The following LRRC31 variants were observed in gnomAD, a reference collection of about 807,000 sequenced individuals.
LRRC31 encodes leucine-rich repeat-containing protein 31.
A neutral mutation model predicts 46.7 loss-of-function variants in LRRC31; 35 were observed. The observed-to-expected ratio is 0.75, with a 90% CI of 0.57 to 0.99. LRRC31 has a LOEUF of 0.99. LRRC31 is among the 50% of genes least tolerant of loss of function. LRRC31 has a pLI of 0.00. For synonymous variants in LRRC31, 236 were observed against 235.1 expected, an observed-to-expected ratio of 1.00 and a Z score of -0.03; for missense variants, 613 against 626.1, an observed-to-expected ratio of 0.98 and a Z score of 0.22.
chr3:169,862,617 C>T (rs561082650), intron 1 of LRRC31, among the ~76,000 whole-genome samples: 67 of 152,026 alleles, frequency 4.4e-4, no homozygotes, highest in African/African-American at 1.4e-3. Context: ...AAAAATTAGC[C>T]GGGCGTGGTG....
In LRRC31 at chr3:169,861,818, G is replaced by A. The variant is rs1391541508; in HGVS notation, c.176-5C>T. 1 of 1,611,210 alleles carries A rather than the reference G, an allele frequency of 6.2e-7. No homozygotes were observed. The highest frequency in any genetic ancestry group is 2.2e-5 in the East Asian group (1 of 44,854). Reference sequence around the variant, plus strand: ...TTTCTGAACTGAGAGGCTTAGCTGTGTGATAAGCATAAAAAAGAATTTGCT... The same window carrying A: ...TTTCTGAACTGAGAGGCTTAGCTGTATGATAAGCATAAAAAAGAATTTGCT... On this transcript the variant is annotated splice_region_variant and splice_polypyrimidine_tract_variant and intron_variant, in intron 1 of 8. Transcript: ENST00000316428.
In LRRC31 at chr3:169,869,899, G is replaced by T. The variant is rs1781445948; in HGVS notation, c.-92C>A. On this transcript the variant is annotated 5_prime_UTR_variant, in exon 1 of 9. Transcript: ENST00000316428. ...TAAGAAGAAAAGAAGATTCTGTCAA[G>T]CCTGTGTTCAATCAAAATATCCTCC... is the stretch of plus-strand genomic sequence containing the variant. 2 of 1,218,294 alleles carry T rather than the reference G, an allele frequency of 1.6e-6. No individual in the cohort carries two copies. The highest frequency in any genetic ancestry group is 2.2e-6 in the Non-Finnish European group (2 of 896,742). The allele number at this position is 1,218,294 out of a possible 1,614,324, so 75.5% of individuals were successfully genotyped here. A position where few individuals can be genotyped will look rare whatever the true frequency, so the allele number is the denominator to read the frequency against.
At chr3:169,861,400 A>G (rs1181173914) in intron 2 of LRRC31, among the ~76,000 whole-genome samples, 1 of 151,376 alleles carries the variant, frequency 6.6e-6, no homozygotes, top group Non-Finnish European at 1.5e-5. Flanking sequence ...AAGAAAAAAG[A>G]AAAAACCTAC....
intron 6 of LRRC31, among the ~76,000 whole-genome samples, chr3:169,852,455 T>C (rs1428988794): frequency 6.7e-6 from 1 of 150,328 alleles, no homozygotes; most frequent in South Asian, 2.1e-4. Context: ...CTATTTCAAG[T>C]GGTCATTGGG....
chr3:169,866,998 AT>A (rs200123445), intron 1 of LRRC31, among the ~76,000 whole-genome samples: 57 of 125,778 alleles, frequency 4.5e-4, no homozygotes, highest in South Asian at 9.3e-4. Flanking sequence ...CCATGGGTTG[AT>A]TTTTTTTTTT....
intron 8 of LRRC31, among the ~76,000 whole-genome samples, chr3:169,842,070 A>C (rs947717722): frequency 1.5e-4 from 23 of 152,116 alleles, no homozygotes; most frequent in Admixed American, 5.2e-4. Flanking sequence ...AAAATACATA[A>C]ATAAATAAAT....
At chr3:169,844,943 A>C (rs903385349) in intron 8 of LRRC31, among the ~76,000 whole-genome samples, 3 of 151,764 alleles carry the variant, frequency 2.0e-5, no homozygotes, top group East Asian at 1.9e-4. Flanking sequence ...AAAAAAAAAA[A>C]AAAAACAAAA....
intron 3 of LRRC31, among the ~76,000 whole-genome samples, chr3:169,858,138 C>G (rs1005358700): frequency 1.3e-5 from 2 of 152,158 alleles, no homozygotes; most frequent in Non-Finnish European, 2.9e-5. Flanking sequence ...TCCCTATACC[C>G]CATCTGCATT....
At chr3:169,863,185 G>A (rs1781227180) in intron 1 of LRRC31, among the ~76,000 whole-genome samples, 1 of 152,104 alleles carries the variant, frequency 6.6e-6, no homozygotes. Flanking sequence ...GGCAGGCCAG[G>A]TGCCAGCATT....
intron 8 of LRRC31, among the ~76,000 whole-genome samples, chr3:169,845,820 A>C (rs543581629): frequency 1.3e-5 from 2 of 152,304 alleles, no homozygotes; most frequent in South Asian, 4.1e-4. Flanking sequence ...CAACACAAAA[A>C]AACTCTATTC....
At chr3:169,861,603 T>C (rs1781162314) in intron 2 of LRRC31, 67 bp downstream of exon 2, 6 of 1,536,660 alleles carry the variant, frequency 3.9e-6, no homozygotes, top group African/African-American at 1.4e-5. Context: ...TAGCTGAGTA[T>C]GTTTTATCTG....
chr3:169,852,264 G>T (rs1485247156), intron 6 of LRRC31, among the ~76,000 whole-genome samples: 1 of 150,946 alleles, frequency 6.6e-6, no homozygotes, highest in Non-Finnish European at 1.5e-5. Flanking sequence ...TTAGCCGGGC[G>T]CAGTGGCGGG....
In LRRC31 at chr3:169,851,674, C is replaced by A. The variant is rs765879922; in HGVS notation, c.1104G>T (p.Leu368Phe). ...CACAGTTGTTGATAACTAATGACTT[C>A]AATGCTGGTAAAAATCGGAGCCTGC... Reference protein sequence around the residue: ...LLSRLRFLPALKSLVINNCAL... With the variant: ...LLSRLRFLPAFKSLVINNCAL... Residue 368 changes from leucine to phenylalanine, a missense_variant, in exon 7 of 9, where the codon TTG becomes TTT. Physicochemically the swap from Leu to Phe is conservative, Grantham distance 22. Transcript: ENST00000316428. 6 of 1,614,170 alleles carry A rather than the reference C, an allele frequency of 3.7e-6. No individual in the cohort carries two copies.
rs770698948 is a variant in LRRC31 at position 169,861,726 on chromosome 3, T to C, written c.263A>G (p.Asn88Ser). 1 of 1,614,180 alleles carries C rather than the reference T, an allele frequency of 6.2e-7. No individual in the cohort carries two copies. Among genetic ancestry groups the C allele is most frequent in the South Asian group, 1.1e-5 (1 of 91,080 alleles). The part of the protein sequence containing the change: ...FLQKLGKKAV[N>S]KCLDLNNCGL... ...ACAGTTATTCAAATCTAGACACTTG[T>C]TGACAGCCTTTTTGCCCAGCTTCTG... Residue 88 changes from asparagine (N) to serine (S), a missense_variant, in exon 2 of 9, where the codon AAC becomes AGC. Transcript: ENST00000316428.
At chr3:169,852,270 G>T (rs1196306372) in intron 6 of LRRC31, among the ~76,000 whole-genome samples, 1 of 151,264 alleles carries the variant, frequency 6.6e-6, no homozygotes, top group Non-Finnish European at 1.5e-5. Context: ...GGGCGCAGTG[G>T]CGGGCGCCTG....
At chr3:169,860,815 A>ATCCTGTG in intron 2 of LRRC31, 87 bp from the exon 3 acceptor site, 2 of 1,355,776 alleles carry the variant, frequency 1.5e-6, no homozygotes, top group Non-Finnish European at 2.1e-6. Flanking sequence ...TACACAGGAT[A>ATCCTGTG]TAGTTTTACA....
chr3:169,840,138 C>T lies in LRRC31; in HGVS notation c.1503G>A (p.Trp501Ter). ...TCACAGCATATAACAAGTGTCTAAA[C>T]CATTGTCCACAATCTCGAAAATTTG... ...RPSNFRDCGQ[W>*]FRHLLYAVTK... Residue 501 changes from tryptophan (W) to a stop codon, truncating the protein, a stop_gained, in exon 9 of 9, where the codon TGG (tryptophan) becomes TGA (stop). Transcript: ENST00000316428. LOFTEE classifies it low-confidence loss of function (END_TRUNC). The T allele has an allele frequency of 6.2e-7, 1 of 1,614,102 alleles. No homozygotes were observed. The highest frequency in any genetic ancestry group is 8.5e-7 in the Non-Finnish European group (1 of 1,180,014).
intron 1 of LRRC31, among the ~76,000 whole-genome samples, chr3:169,867,058 TG>T (rs1441116639): frequency 0.045 from 5,881 of 130,430 alleles, 671 homozygotes; most frequent in African/African-American, 0.1. Context: ...TTTGTTTGTT[TG>T]TTTTTTTTTT....
intron 2 of LRRC31, among the ~76,000 whole-genome samples, chr3:169,861,374 T>G (rs1576799532): frequency 1.5e-5 from 2 of 134,182 alleles, no homozygotes. Context: ...GCCTTTTTCT[T>G]AAAAAAAAAA....
Sources: gnomAD v4.1 joint callset for allele counts (sites outside exome capture counted in the v4.1 genomes callset) on GRCh38, gnomAD v4.1.1 for gene constraint, MANE v1.5 for transcripts, NCBI Gene and HGNC (gene_info 2026-07-23, HGNC 2026-07-21) for gene names.